The following CRMP1 variants were observed in gnomAD, a reference collection of about 807,000 sequenced individuals.
CRMP1 encodes dihydropyrimidinase-related protein 1.
In CRMP1, 19 loss-of-function variants were observed where a neutral mutation model predicts 68.3. That is an observed-to-expected ratio of 0.28 (90% CI 0.19 to 0.41). The LOEUF is 0.41. Among genes scored for constraint, CRMP1 ranks in the 10% least tolerant of loss-of-function variants. The pLI is 1.00. For synonymous variants in CRMP1, 439 were observed against 399.6 expected (o/e 1.10, Z -1.18); for missense variants, 791 against 967.4 (o/e 0.82, Z 2.42).
At position 5,877,284 on chromosome 4, in the gene CRMP1, G is replaced by T. The variant is rs1256765903; in HGVS notation, c.382-10528C>A. Among the ~76,000 whole-genome samples, 1 of 152,220 alleles carries T rather than the reference G, an allele frequency of 6.6e-6. No individual in the cohort carries two copies. The highest frequency in any genetic ancestry group is 1.9e-4 in the East Asian group (1 of 5,202). ...AGAGTCTAGAGGGGGTGTTTGTTAGGCAGCATCATCGCATCAAAGCAAATT... is the reference window on the plus strand; with the variant it reads ...AGAGTCTAGAGGGGGTGTTTGTTAGTCAGCATCATCGCATCAAAGCAAATT... On this transcript the variant is annotated intron_variant, in intron 1 of 13. Transcript: ENST00000324989. This position sits in a 1 kb window ranked among gnomAD's most constrained non-coding sequence, Gnocchi z 4.3.
rs891881058 is a variant in CRMP1, at chr4:5,883,338, C to T, written c.381+9251G>A. On this transcript the variant is annotated intron_variant, in intron 1 of 13. Coordinates refer to ENST00000324989, the MANE Select transcript of CRMP1 (RefSeq NM_001014809.3). The surrounding 1 kb of genome is among the most constrained non-coding windows in gnomAD (Gnocchi z 4.5). Reference sequence around the variant, plus strand: ...TTTGTTTGAGAGAGTCTCATTCTGTCGCCCAGGCTGAAGTGCAGTGGCATG... The same window carrying T: ...TTTGTTTGAGAGAGTCTCATTCTGTTGCCCAGGCTGAAGTGCAGTGGCATG... Among the ~76,000 whole-genome samples the T allele has an allele frequency of 2.0e-5, 3 of 150,272 alleles. No individual in the cohort carries two copies. Among genetic ancestry groups the T allele is most frequent in the Non-Finnish European group, 3.0e-5 (2 of 67,604 alleles).
At position 5,861,617 on chromosome 4, in the gene CRMP1, T is replaced by G. The variant is rs765182852; in HGVS notation, c.471-407A>C. 1.3e-5 allele frequency among the ~76,000 whole-genome samples: 2 copies of G among 151,902 alleles called. No individual in the cohort carries two copies. Among genetic ancestry groups the G allele is most frequent in the East Asian group, 1.9e-4 (1 of 5,164 alleles). ...TTCCTCCAGGAGGTTAAATTCCAAA[T>G]GGGGAAGGAGGGAAAAGAGCCTACG... is the stretch of plus-strand genomic sequence containing the variant. On this transcript the variant is annotated intron_variant, in intron 2 of 13. Coordinates refer to ENST00000324989, the MANE Select transcript of CRMP1 (RefSeq NM_001014809.3). The surrounding 1 kb of genome is among the most constrained non-coding windows in gnomAD (Gnocchi z 6.0).
Position 5,870,508 on chromosome 4 carries a change from C to T in CRMP1, c.382-3752G>A, listed in dbSNP as rs150476668. ...TAGACCGTGAGCTCCACGGAGGCAA[C>T]GGACTTTGTCCGTTTTCTTCACTGC... On this transcript the variant is annotated intron_variant, in intron 1 of 13. Coordinates refer to ENST00000324989, the MANE Select transcript of CRMP1 (RefSeq NM_001014809.3). The surrounding 1 kb of genome is among the most constrained non-coding windows in gnomAD (Gnocchi z 6.0). Among the ~76,000 whole-genome samples, 173 of 152,338 alleles carry T rather than the reference C, an allele frequency of 1.1e-3. 1 individual carries two copies. Among genetic ancestry groups the T allele is most frequent in the African/African-American group, 3.0e-3 (123 of 41,586 alleles).
Position 5,825,315 on chromosome 4 carries a change from G to T in CRMP1, c.1969+179C>A, listed in dbSNP as rs988374206. 2 of 985,096 alleles carry T rather than the reference G, an allele frequency of 2.0e-6. No individual in the cohort carries two copies. Among genetic ancestry groups the T allele is most frequent in the African/African-American group, 3.5e-5 (2 of 57,142 alleles). The allele number at this position is 985,096 out of a possible 1,614,324, so 61.0% of individuals were successfully genotyped here. A position where few individuals can be genotyped will look rare whatever the true frequency, so the allele number is the denominator to read the frequency against. On this transcript the variant is annotated intron_variant, in intron 13 of 13. Transcript: ENST00000324989. This position sits in a 1 kb window ranked among gnomAD's most constrained non-coding sequence, Gnocchi z 4.4. ...CCCTAACATGGACCCCCCTCTGCTTGGTGACCATGCCAGCCCACTCTGCCC... is the reference window on the plus strand; with the variant it reads ...CCCTAACATGGACCCCCCTCTGCTTTGTGACCATGCCAGCCCACTCTGCCC...
intron 6 of CRMP1, among the ~76,000 whole-genome samples, chr4:5,846,806 T>G (rs1577781280): frequency 2.2e-5 from 3 of 136,162 alleles, no homozygotes; most frequent in Non-Finnish European, 4.6e-5. Context: ...GTAGAGGCAG[T>G]GTTTCGCCAT....
chr4:5,890,089 A>C lies in CRMP1; in HGVS notation c.381+2500T>G. On this transcript the variant is annotated intron_variant, in intron 1 of 13. Transcript: ENST00000324989. This position sits in a 1 kb window ranked among gnomAD's most constrained non-coding sequence, Gnocchi z 5.5. ...CATCCCTGGCTCTCAGCGGGGCCTAAAATCCCTGTCAATGACCGGAAATTG... is the reference window on the plus strand; with the variant it reads ...CATCCCTGGCTCTCAGCGGGGCCTACAATCCCTGTCAATGACCGGAAATTG... 3.2e-6 allele frequency: 1 copy of C among 308,816 alleles called. No individual in the cohort carries two copies. Among genetic ancestry groups the C allele is most frequent in the Non-Finnish European group, 5.2e-6 (1 of 193,826 alleles). 19.1% of individuals were successfully genotyped at this position (308,816 alleles called of 1,614,324 possible).
chr4:5,869,338 C>T (rs566636691), intron 1 of CRMP1, among the ~76,000 whole-genome samples: 1 of 152,162 alleles, frequency 6.6e-6, no homozygotes, highest in Admixed American at 6.5e-5. Context: ...GATGTGGTGA[C>T]GAAGAAGACA....
chr4:5,854,407 T>G lies in CRMP1; in HGVS notation c.820+1736A>C, dbSNP rs1577795285. Reference sequence around the variant, plus strand: ...CCACCACTCCTGGCTATGTTTTTTTTTTTTTTTTTTTTTTTTTAATAGAGT... The same window carrying G: ...CCACCACTCCTGGCTATGTTTTTTTGTTTTTTTTTTTTTTTTTAATAGAGT... On this transcript the variant is annotated intron_variant, in intron 4 of 13. Transcript: ENST00000324989. This position sits in a 1 kb window ranked among gnomAD's most constrained non-coding sequence, Gnocchi z 4.0. Among the ~76,000 whole-genome samples the G allele has an allele frequency of 1.4e-5, 2 of 146,664 alleles. No homozygotes were observed. The highest frequency in any genetic ancestry group is 6.8e-5 in the Admixed American group (1 of 14,786).
At position 5,825,692 on chromosome 4, in the gene CRMP1, A is replaced by G. The variant is rs1577725073; in HGVS notation, c.1804-33T>C. The G allele has an allele frequency of 1.2e-6, 2 of 1,607,874 alleles. No individual in the cohort carries two copies. Among genetic ancestry groups the G allele is most frequent in the Non-Finnish European group, 1.7e-6 (2 of 1,176,558 alleles). ...GAGGAAGGGAGAGTGTGATTGATCG[A>G]CACTGTGCATGTGTGCCCTTCTGGG... On this transcript the variant is annotated intron_variant, in intron 12 of 13. Coordinates refer to ENST00000324989, the MANE Select transcript of CRMP1 (RefSeq NM_001014809.3). This position sits in a 1 kb window ranked among gnomAD's most constrained non-coding sequence, Gnocchi z 4.4.
rs528093018 is a variant in CRMP1, at chr4:5,861,662, C to G, written c.471-452G>C. On this transcript the variant is annotated intron_variant, in intron 2 of 13. Coordinates refer to ENST00000324989, the MANE Select transcript of CRMP1 (RefSeq NM_001014809.3). The surrounding 1 kb of genome is among the most constrained non-coding windows in gnomAD (Gnocchi z 6.0). ...CCTACGAAATGAGAAACGAAGCCCC[C>G]GGGGATCTCCATGGGTGACTTATTG... Among the ~76,000 whole-genome samples the G allele has an allele frequency of 6.6e-6, 1 of 152,034 alleles. No homozygotes were observed. The highest frequency in any genetic ancestry group is 1.5e-5 in the Non-Finnish European group (1 of 68,022).
intron 8 of CRMP1, among the ~76,000 whole-genome samples, chr4:5,839,951 G>A (rs763082258): frequency 1.3e-4 from 20 of 152,334 alleles, no homozygotes; most frequent in African/African-American, 3.8e-4. Flanking sequence ...TTGCTTTTAC[G>A]ATTTGGACAT....
intron 3 of CRMP1, among the ~76,000 whole-genome samples, chr4:5,856,646 C>T (rs1244297679): frequency 6.6e-6 from 1 of 150,592 alleles, no homozygotes; most frequent in African/African-American, 2.5e-5. Context: ...CATTATCAAC[C>T]CATCACCATG....
intron 1 of CRMP1, chr4:5,887,714 G>A: frequency 1.0e-6 from 1 of 985,584 alleles, no homozygotes; most frequent in Non-Finnish European, 1.2e-6. Flanking sequence ...GCTGTCCCTA[G>A]GTCCGGACTT....
At position 5,892,793 on chromosome 4, in the gene CRMP1, G is replaced by A; in HGVS notation, c.177C>T (p.Gly59=). The A allele has an allele frequency of 7.6e-7, 1 of 1,324,460 alleles. No individual in the cohort carries two copies. The allele number at this position is 1,324,460 out of a possible 1,614,324, so 82.0% of individuals were successfully genotyped here. A position where few individuals can be genotyped will look rare whatever the true frequency, so the allele number is the denominator to read the frequency against. Residue 59 remains glycine (G), a synonymous_variant, in exon 1 of 14, where the codon GGC becomes GGT. Transcript: ENST00000324989. The surrounding 1 kb of genome is among the most constrained non-coding windows in gnomAD (Gnocchi z 8.6). ...CAGCGCTGCGCGGCGTGCGCGCCGAGCCGCGGCGGCCCACACTGTAGGCGT... is the reference window on the plus strand; with the variant it reads ...CAGCGCTGCGCGGCGTGCGCGCCGAACCGCGGCGGCCCACACTGTAGGCGT... ...DFDAYSVGRR[G]SARTPRSAGR... is the part of the protein sequence containing the mutation.
intron 8 of CRMP1, 37 bp from the exon 9 acceptor site, chr4:5,839,715 A>G: frequency 6.3e-7 from 1 of 1,583,778 alleles, no homozygotes; most frequent in Non-Finnish European, 8.6e-7. Flanking sequence ...TTAAAAGCAA[A>G]TACTCTCTTG....
intron 1 of CRMP1, chr4:5,887,372 G>A (rs770915586): frequency 5.1e-6 from 5 of 985,506 alleles, no homozygotes; most frequent in African/African-American, 1.7e-5. Context: ...TCCCGGCCCC[G>A]GGCTGCTCCT....
intron 2 of CRMP1, among the ~76,000 whole-genome samples, chr4:5,863,123 TTTTTTTTA>T (rs1433569781): frequency 6.6e-6 from 1 of 150,878 alleles, no homozygotes; most frequent in African/African-American, 2.4e-5. Flanking sequence ...TCCTTTTTTT[TTTTTTTTA>T]AAGAAACAGG....
At chr4:5,823,867 A>T (rs947315632) in intron 13 of CRMP1, among the ~76,000 whole-genome samples, 2 of 152,182 alleles carry the variant, frequency 1.3e-5, no homozygotes, top group African/African-American at 4.8e-5. Flanking sequence ...ACACTAACTC[A>T]TGGTACAGCT....
Position 5,861,544 on chromosome 4 carries a change from C to T in CRMP1, c.471-334G>A, listed in dbSNP as rs1361184066. On this transcript the variant is annotated intron_variant, in intron 2 of 13. Coordinates refer to ENST00000324989, the MANE Select transcript of CRMP1 (RefSeq NM_001014809.3). The surrounding 1 kb of genome is among the most constrained non-coding windows in gnomAD (Gnocchi z 6.0). ...CAACAGAAGTGAGCCCAGCATGATG[C>T]ATGTGCTGACCGTCATGTCTATTCT... Among the ~76,000 whole-genome samples, 2 of 152,186 alleles carry T rather than the reference C, an allele frequency of 1.3e-5. No individual in the cohort carries two copies. The highest frequency in any genetic ancestry group is 4.1e-4 in the South Asian group (2 of 4,830).
Sources: gnomAD v4.1 joint callset for allele counts (sites outside exome capture counted in the v4.1 genomes callset) on GRCh38, gnomAD v4.1.1 for gene constraint, Gnocchi (gnomAD v3.1) non-coding constraint, MANE v1.5 for transcripts, NCBI Gene and HGNC (gene_info 2026-07-23, HGNC 2026-07-21) for gene names.